B3GNT5: variants seen among roughly 807,000 people sequenced by gnomAD.
B3GNT5 encodes UDP-GlcNAc:betaGal beta-1,3-N-acetylglucosaminyltransferase 5, also known as lactosylceramide 1,3-N-acetyl-beta-D-glucosaminyltransferase.
A neutral mutation model predicts 25.9 loss-of-function variants in B3GNT5; 11 were observed. That is an observed-to-expected ratio of 0.42 (90% CI 0.27 to 0.70). The LOEUF (loss-of-function observed/expected upper bound fraction) is 0.70. B3GNT5 is among the 30% of genes least tolerant of loss of function. The pLI is 0.23. For missense variants in B3GNT5, 385 were observed against 458.4 expected, an observed-to-expected ratio of 0.84 and a Z score of 1.46; for synonymous variants, 166 against 158.6, an observed-to-expected ratio of 1.05 and a Z score of -0.35.
chr3:183,265,349 G>C (rs147046727), intron 1 of B3GNT5: 1 of 152,318 alleles, frequency 6.6e-6, no homozygotes, highest in African/African-American at 2.4e-5. Context: ...TGCGCATTCG[G>C]CATTGGGCTT....
At chr3:183,263,917 T>C (rs1180873939) in intron 1 of B3GNT5, among the ~76,000 whole-genome samples, 1 of 152,076 alleles carries the variant, frequency 6.6e-6, no homozygotes, top group Non-Finnish European at 1.5e-5. Context: ...ATGCCTTCCT[T>C]CCGTCCCCAT....
Position 183,271,227 on chromosome 3 carries a change from G to T in B3GNT5, c.*292G>T, listed in dbSNP as rs1726750475. On this transcript the variant is annotated 3_prime_UTR_variant, in exon 2 of 2. Coordinates refer to ENST00000326505, the MANE Select transcript of B3GNT5 (RefSeq NM_032047.5). ...GTAATGCCACATATATACTTGAGGTGTAGAGATGTTATTAAGAAGTTTTGA... is the reference window on the plus strand; with the variant it reads ...GTAATGCCACATATATACTTGAGGTTTAGAGATGTTATTAAGAAGTTTTGA... 4.3e-6 allele frequency: 1 copy of T among 232,054 alleles called. No individual in the cohort carries two copies. The highest frequency in any genetic ancestry group is 2.3e-5 in the African/African-American group (1 of 43,728). 14.4% of individuals were successfully genotyped at this position (232,054 alleles called of 1,614,324 possible). A position where few individuals can be genotyped will look rare whatever the true frequency, so the allele number is the denominator to read the frequency against.
chr3:183,262,725 G>T (rs912949667), intron 1 of B3GNT5, among the ~76,000 whole-genome samples: 5 of 150,124 alleles, frequency 3.3e-5, no homozygotes, highest in African/African-American at 9.8e-5. Flanking sequence ...GGGTGGGGGG[G>T]ACAGAGCCTG....
chr3:183,270,199 C>T lies in B3GNT5; in HGVS notation c.401C>T (p.Pro134Leu), dbSNP rs764635314. ...NIKTLFALGTPNPLEGEELQR... is the reference protein window; with the variant it reads ...NIKTLFALGTLNPLEGEELQR... The stretch of plus-strand genomic sequence containing the variant: ...AAAACTCTGTTTGCCTTAGGAACTC[C>T]TAATCCACTGGAGGGAGAAGAACTA... Residue 134 changes from proline to leucine, a missense_variant, in exon 2 of 2, where the codon CCT becomes CTT. Transcript: ENST00000326505. The surrounding 1 kb of genome is among the most constrained non-coding windows in gnomAD (Gnocchi z 4.5). 6 of 1,614,148 alleles carry T rather than the reference C, an allele frequency of 3.7e-6. No individual in the cohort carries two copies. The highest frequency in any genetic ancestry group is 5.1e-6 in the Non-Finnish European group (6 of 1,180,008).
At chr3:183,261,302 C>T (rs140040758) in intron 1 of B3GNT5, among the ~76,000 whole-genome samples, 1 of 152,178 alleles carries the variant, frequency 6.6e-6, no homozygotes, top group African/African-American at 2.4e-5. Context: ...CCTAGCTATA[C>T]TTAACAGGAA....
At position 183,270,425 on chromosome 3, in the gene B3GNT5, T is replaced by C; in HGVS notation, c.627T>C (p.Ser209=). The change falls in exon 2 of 2, where the codon AGT becomes AGC. Residue 209 remains serine, a synonymous_variant. Coordinates refer to ENST00000326505, the MANE Select transcript of B3GNT5 (RefSeq NM_032047.5). The surrounding 1 kb of genome is among the most constrained non-coding windows in gnomAD (Gnocchi z 4.5). ...CAAATCTGATTGAGTACCTTCAAAG[T>C]TTAGAACAAATTGGTGTTCAAGACT... ...HMPNLIEYLQ[S]LEQIGVQDFW... 1 of 1,614,204 alleles carries C rather than the reference T, an allele frequency of 6.2e-7. No individual in the cohort carries two copies. The highest frequency in any genetic ancestry group is 8.5e-7 in the Non-Finnish European group (1 of 1,180,040).
At chr3:183,256,163 T>C (rs528478702) in intron 1 of B3GNT5, among the ~76,000 whole-genome samples, 1 of 152,362 alleles carries the variant, frequency 6.6e-6, no homozygotes, top group Non-Finnish European at 1.5e-5. Context: ...TTCTGAAATA[T>C]TTCCATAGCC....
intron 1 of B3GNT5, among the ~76,000 whole-genome samples, chr3:183,256,392 T>C (rs1725047173): frequency 1.3e-5 from 2 of 152,208 alleles, no homozygotes; most frequent in Non-Finnish European, 2.9e-5. Flanking sequence ...ATAGGGGATG[T>C]AAGAATCTTT....
At chr3:183,269,230 CTTTT>C (rs60835895) in intron 1 of B3GNT5, among the ~76,000 whole-genome samples, 6 of 81,028 alleles carry the variant, frequency 7.4e-5, no homozygotes, top group Non-Finnish European at 1.1e-4. Flanking sequence ...GTTTGGGAAG[CTTTT>C]TTTTTTTTTT....
chr3:183,254,469 T>A (rs541238498), intron 1 of B3GNT5, among the ~76,000 whole-genome samples: 1 of 152,028 alleles, frequency 6.6e-6, no homozygotes, highest in South Asian at 2.1e-4. Context: ...GGCCAGCGGC[T>A]GGGACCCAGG....
chr3:183,254,991 T>G (rs769771897), intron 1 of B3GNT5, among the ~76,000 whole-genome samples: 1 of 152,204 alleles, frequency 6.6e-6, no homozygotes, highest in South Asian at 2.1e-4. Flanking sequence ...TTGGCCGGTG[T>G]TGGTTTTCTT....
At chr3:183,258,300 GC>G (rs890296728) in intron 1 of B3GNT5, 10 of 152,568 alleles carry the variant, frequency 6.6e-5, no homozygotes, top group African/African-American at 2.4e-4. Context: ...AATGCTCCTT[GC>G]CCTACTCCTC....
intron 1 of B3GNT5, chr3:183,253,830 T>C (rs1393021052): frequency 1.3e-5 from 2 of 152,252 alleles, no homozygotes; most frequent in East Asian, 3.9e-4. Context: ...TAGTCTGTGG[T>C]CAGTTACGTG....
In B3GNT5 at chr3:183,267,116, C is replaced by T. The variant is rs1239782739; in HGVS notation, c.-301-2382C>T. Among the ~76,000 whole-genome samples the T allele has an allele frequency of 1.3e-5, 2 of 152,154 alleles. No homozygotes were observed. Among genetic ancestry groups the T allele is most frequent in the African/African-American group, 4.8e-5 (2 of 41,434 alleles). ...CCTTTGTGATATTAAAGCACAGCAACACATTTCCCATTACACCCCTGAACA... is the reference window on the plus strand; with the variant it reads ...CCTTTGTGATATTAAAGCACAGCAATACATTTCCCATTACACCCCTGAACA... On this transcript the variant is annotated intron_variant, in intron 1 of 1. Coordinates refer to ENST00000326505, the MANE Select transcript of B3GNT5 (RefSeq NM_032047.5). This position sits in a 1 kb window ranked among gnomAD's most constrained non-coding sequence, Gnocchi z 5.5.
At chr3:183,257,931 C>G (rs1008674450) in intron 1 of B3GNT5, among the ~76,000 whole-genome samples, 5 of 114,248 alleles carry the variant, frequency 4.4e-5, no homozygotes, top group African/African-American at 1.7e-4. Context: ...CTTGGAATGT[C>G]TTATTCCTTG....
chr3:183,260,729 G>A (rs1313739173), intron 1 of B3GNT5, among the ~76,000 whole-genome samples: 1 of 152,188 alleles, frequency 6.6e-6, no homozygotes, highest in Non-Finnish European at 1.5e-5. Flanking sequence ...AGATATAAGT[G>A]AGTTTACATA....
chr3:183,257,358 A>T (rs1725138486), intron 1 of B3GNT5, among the ~76,000 whole-genome samples: 2 of 152,300 alleles, frequency 1.3e-5, no homozygotes, highest in South Asian at 4.2e-4. Context: ...TGGAATATTT[A>T]TTGACCCTTT....
Position 183,270,338 on chromosome 3 carries a change from T to C in B3GNT5, c.540T>C (p.Asn180=), listed in dbSNP as rs776397039. The change falls in exon 2 of 2, where the codon AAT becomes AAC. Residue 180 remains asparagine (N), a synonymous_variant. Coordinates refer to ENST00000326505, the MANE Select transcript of B3GNT5 (RefSeq NM_032047.5). The surrounding 1 kb of genome is among the most constrained non-coding windows in gnomAD (Gnocchi z 4.5). ...LKLLMQFSWA[N]TYCPHAKFLM... is the part of the protein sequence containing the mutation. Reference sequence around the variant, plus strand: ...TACTTATGCAGTTCAGTTGGGCAAATACCTATTGTCCACATGCCAAATTTC... The same window carrying C: ...TACTTATGCAGTTCAGTTGGGCAAACACCTATTGTCCACATGCCAAATTTC... 2.5e-6 allele frequency: 4 copies of C among 1,614,030 alleles called. No individual in the cohort carries two copies. The highest frequency in any genetic ancestry group is 2.5e-6 in the Non-Finnish European group (3 of 1,180,000).
rs186543334 is a variant in B3GNT5, at chr3:183,272,090, T to C, written c.*1155T>C. Reference sequence around the variant, plus strand: ...TCTTTATTTTCTAAATATTTCAAACTTGAAAACAGAGTAAAAAAGTGATAG... The same window carrying C: ...TCTTTATTTTCTAAATATTTCAAACCTGAAAACAGAGTAAAAAAGTGATAG... On this transcript the variant is annotated 3_prime_UTR_variant, in exon 2 of 2. Coordinates refer to ENST00000326505, the MANE Select transcript of B3GNT5 (RefSeq NM_032047.5). 15 of 916,490 alleles carry C rather than the reference T, an allele frequency of 1.6e-5. No homozygotes were observed. The Middle Eastern group carries it at 1.7e-3, about 105-fold the overall frequency. The allele number at this position is 916,490 out of a possible 1,614,324, so 56.8% of individuals were successfully genotyped here. A position where few individuals can be genotyped will look rare whatever the true frequency, so the allele number is the denominator to read the frequency against.
Sources: allele counts gnomAD v4.1 joint callset (sites outside exome capture counted in the v4.1 genomes callset), GRCh38; gene constraint gnomAD v4.1.1; non-coding constraint Gnocchi (gnomAD v3.1); transcripts MANE v1.5; gene names NCBI Gene and HGNC (gene_info 2026-07-23, HGNC 2026-07-21).